The following ITM2B variants were observed in gnomAD, a reference collection of about 807,000 sequenced individuals.
ITM2B encodes ABri/ADan amyloid peptide.
Under a neutral mutation model 27.8 loss-of-function variants are expected in ITM2B, and 11 were observed. That is an observed-to-expected ratio of 0.40 (90% CI 0.25 to 0.66). ITM2B has a LOEUF of 0.66. Among genes scored for constraint, ITM2B ranks in the 30% least tolerant of loss-of-function variants. The probability of loss-of-function intolerance (pLI) is 0.43; values close to 1 mark genes in which losing one functional copy is unlikely to be tolerated. For synonymous variants in ITM2B, 114 were observed against 114.3 expected, an observed-to-expected ratio of 1.00 and a Z score of 0.02; for missense variants, 296 against 328.9, an observed-to-expected ratio of 0.90 and a Z score of 0.77.
chr13:48,234,085 G>A (rs1392107650), intron 1 of ITM2B, among the ~76,000 whole-genome samples: 1 of 152,140 alleles, frequency 6.6e-6, no homozygotes. Flanking sequence ...GGTTTGGGCT[G>A]TCTCTTACCA....
At chr13:48,247,966 G>A (rs143185447) in intron 1 of ITM2B, among the ~76,000 whole-genome samples, 24 of 151,960 alleles carry the variant, frequency 1.6e-4, no homozygotes, top group Non-Finnish European at 2.1e-4. Flanking sequence ...CCTTTTAAGC[G>A]CGATGCAAGG....
At chr13:48,236,632 T>G (rs1476211292) in intron 1 of ITM2B, among the ~76,000 whole-genome samples, 1 of 152,222 alleles carries the variant, frequency 6.6e-6, no homozygotes, top group East Asian at 1.9e-4. Flanking sequence ...ACATGTTACA[T>G]TCTTCCCTCA....
At chr13:48,257,217 C>T (rs759404255) in intron 3 of ITM2B, among the ~76,000 whole-genome samples, 49 of 152,252 alleles carry the variant, frequency 3.2e-4, no homozygotes, top group Non-Finnish European at 6.2e-4. Flanking sequence ...GCTGTACTCA[C>T]CTAGGTATTT....
rs1951831600 is a variant in ITM2B at position 48,263,026 on chromosome 13, A to G, written c.*1802A>G. On this transcript the variant is annotated 3_prime_UTR_variant, in exon 6 of 6. Transcript: ENST00000647800. ...GCTGAACTGCAATAATAATCCCAAC[A>G]TCTCACTGGCTTCATGCAGTAGGAA... 6.6e-6 allele frequency: 1 copy of G among 152,208 alleles called. No individual in the cohort carries two copies. The allele number at this position is 152,208 out of a possible 1,614,324, so 9.4% of individuals were successfully genotyped here.
intron 1 of ITM2B, among the ~76,000 whole-genome samples, chr13:48,235,827 C>T (rs1363939505): frequency 6.6e-6 from 1 of 152,192 alleles, no homozygotes. Context: ...TTATCTTTAA[C>T]CCTCCCAGAT....
chr13:48,243,552 G>C (rs1329582296), intron 1 of ITM2B, among the ~76,000 whole-genome samples: 1 of 152,092 alleles, frequency 6.6e-6, no homozygotes, highest in South Asian at 2.1e-4. Flanking sequence ...CTGTGGGCCG[G>C]GCATGGTGGC....
rs1951854044 is a variant in ITM2B, at chr13:48,266,471, G to A, written c.*5247G>A. The A allele has an allele frequency of 6.6e-6, 1 of 151,942 alleles. No individual in the cohort carries two copies. The highest frequency in any genetic ancestry group is 2.4e-5 in the African/African-American group (1 of 41,350). The allele number at this position is 151,942 out of a possible 1,614,324, so 9.4% of individuals were successfully genotyped here. On this transcript the variant is annotated 3_prime_UTR_variant, in exon 6 of 6. Coordinates refer to ENST00000647800, the MANE Select transcript of ITM2B (RefSeq NM_021999.5). ...CCTGTCTTCATGAAGTCCTCCTCTAGACTATTAGCAAAATGCTCATACTGT... is the reference window on the plus strand; with the variant it reads ...CCTGTCTTCATGAAGTCCTCCTCTAAACTATTAGCAAAATGCTCATACTGT...
intron 1 of ITM2B, among the ~76,000 whole-genome samples, chr13:48,248,084 G>GT (rs1204301112): frequency 6.6e-6 from 1 of 151,864 alleles, no homozygotes; most frequent in South Asian, 2.1e-4. Context: ...CTTGTTAGTG[G>GT]TTTTTTTCTT....
At chr13:48,258,075 G>C (rs1328904234) in intron 3 of ITM2B, 51 bp from the exon 4 acceptor site, 1 of 852,308 alleles carries the variant, frequency 1.2e-6, no homozygotes, top group South Asian at 1.3e-5. Context: ...TCCAGTTGCT[G>C]CCTGTTTTTG....
chr13:48,253,966 ATTTT>A (rs201823693), intron 2 of ITM2B, 30 bp downstream of exon 2: 46 of 1,457,468 alleles, frequency 3.2e-5, no homozygotes, highest in Admixed American at 1.1e-4. Context: ...TGTGTCTCTG[ATTTT>A]TTTTTTTTTT....
intron 1 of ITM2B, among the ~76,000 whole-genome samples, chr13:48,236,602 T>G (rs1215198635): frequency 6.6e-6 from 1 of 152,238 alleles, no homozygotes; most frequent in Non-Finnish European, 1.5e-5. Flanking sequence ...GACTATTCCC[T>G]TTCTTCCTTT....
chr13:48,246,024 C>T (rs1296548127), intron 1 of ITM2B, among the ~76,000 whole-genome samples: 1 of 152,276 alleles, frequency 6.6e-6, no homozygotes. Context: ...ATGATCCACC[C>T]GCTTCAGCCT....
rs1175333459 is a variant in ITM2B, at chr13:48,265,117, T to C, written c.*3893T>C. 2 of 152,150 alleles carry C rather than the reference T, an allele frequency of 1.3e-5. No homozygotes were observed. Among genetic ancestry groups the C allele is most frequent in the East Asian group, 3.9e-4 (2 of 5,190 alleles). The allele number at this position is 152,150 out of a possible 1,614,324, so 9.4% of individuals were successfully genotyped here. On this transcript the variant is annotated 3_prime_UTR_variant, in exon 6 of 6. Transcript: ENST00000647800. ...AAAATAATTTGATGGGACTTCTGTA[T>C]CTGATTTTTAAGCTTGCATTTGTGT...
chr13:48,237,900 G>GA (rs890313792), intron 1 of ITM2B, among the ~76,000 whole-genome samples: 22 of 151,230 alleles, frequency 1.5e-4, no homozygotes, highest in African/African-American at 4.4e-4. Context: ...GGAAGACTCA[G>GA]AAAAAAAAAT....
rs145007745 is a variant in ITM2B, at chr13:48,247,954, T to C, written c.118-5854T>C. ...TGTACAGCACCTGTGGGAGTTCTGTTACCTTTTAAGCGCGATGCAAGGTGC... is the reference window on the plus strand; with the variant it reads ...TGTACAGCACCTGTGGGAGTTCTGTCACCTTTTAAGCGCGATGCAAGGTGC... On this transcript the variant is annotated intron_variant, in intron 1 of 5. Transcript: ENST00000647800. Among the ~76,000 whole-genome samples, 171 of 152,236 alleles carry C rather than the reference T, an allele frequency of 1.1e-3. No homozygotes were observed. In the South Asian group the frequency reaches 0.017, roughly 15 times the overall value.
chr13:48,257,128 G>A (rs945028856), intron 3 of ITM2B, among the ~76,000 whole-genome samples: 1 of 151,992 alleles, frequency 6.6e-6, no homozygotes, highest in Admixed American at 6.6e-5. Context: ...ATAGATTAAC[G>A]ACAATAATAA....
At chr13:48,260,078 T>TA (rs1426048740) in intron 5 of ITM2B, among the ~76,000 whole-genome samples, 13 of 152,224 alleles carry the variant, frequency 8.5e-5, no homozygotes, top group African/African-American at 2.9e-4. Flanking sequence ...ACCTCCCACT[T>TA]ATGAGTGAGA....
intron 2 of ITM2B, among the ~76,000 whole-genome samples, 169 bp downstream of exon 2, chr13:48,254,105 A>G (rs1399578615): frequency 6.6e-6 from 1 of 152,048 alleles, no homozygotes; most frequent in Non-Finnish European, 1.5e-5. Context: ...TCTCCATGAT[A>G]TGTTTGCTGA....
At chr13:48,242,893 T>C (rs182838732) in intron 1 of ITM2B, among the ~76,000 whole-genome samples, 216 of 152,330 alleles carry the variant, frequency 1.4e-3, no homozygotes, top group Non-Finnish European at 1.9e-3. Context: ...GGTTTATTTG[T>C]TTTATCCCTT....
Sources: gnomAD v4.1 joint callset for allele counts (sites outside exome capture counted in the v4.1 genomes callset) on GRCh38, gnomAD v4.1.1 for gene constraint, MANE v1.5 for transcripts, NCBI Gene and HGNC (gene_info 2026-07-23, HGNC 2026-07-21) for gene names.